The following SHB variants were observed in gnomAD, a reference collection of about 807,000 sequenced individuals.
SHB encodes SH2 domain-containing adapter protein B.
A neutral mutation model predicts 52.3 loss-of-function variants in SHB; 20 were observed. The observed-to-expected ratio is 0.38, with a 90% CI of 0.27 to 0.56. The LOEUF is 0.56. Ranked by LOEUF, SHB falls within the 20% of genes least tolerant of loss-of-function variation. The pLI is 0.71. For missense variants in SHB, 825 were observed against 723.3 expected, an observed-to-expected ratio of 1.14 and a Z score of -1.61; for synonymous variants, 397 against 316.5, an observed-to-expected ratio of 1.25 and a Z score of -2.70.
At chr9:37,920,292 AAAC>A (rs1219542980) in intron 5 of SHB, among the ~76,000 whole-genome samples, 3 of 137,170 alleles carry the variant, frequency 2.2e-5, no homozygotes, top group Non-Finnish European at 4.6e-5. Context: ...AAACAAAACA[AAAC>A]AAAACAAAAC....
intron 3 of SHB, among the ~76,000 whole-genome samples, chr9:37,965,574 ATCT>A (rs1426684816): frequency 7.9e-6 from 1 of 125,924 alleles, no homozygotes; most frequent in Non-Finnish European, 1.6e-5. Context: ...TTACTCAAAT[ATCT>A]TTTTTTTTTT....
chr9:37,966,207 A>T (rs1820518444), intron 3 of SHB, among the ~76,000 whole-genome samples: 1 of 152,248 alleles, frequency 6.6e-6, no homozygotes, highest in African/African-American at 2.4e-5. Flanking sequence ...CAAGACAGGC[A>T]GGGTCTCTGA....
chr9:38,055,023 A>C (rs888315571), intron 1 of SHB, among the ~76,000 whole-genome samples: 1 of 152,210 alleles, frequency 6.6e-6, no homozygotes, highest in Non-Finnish European at 1.5e-5. Context: ...ATCTTCAAAA[A>C]ATACTGATGC....
At chr9:37,925,585 T>C (rs1271100689) in intron 5 of SHB, among the ~76,000 whole-genome samples, 1 of 152,206 alleles carries the variant, frequency 6.6e-6, no homozygotes, top group Non-Finnish European at 1.5e-5. Flanking sequence ...CAAGTTCCCT[T>C]GCAAAATCAT....
chr9:37,919,540 A>G lies in SHB; in HGVS notation c.*281T>C. ...GCTGGTCTGCCTTTGTTCATCCTGG[A>G]AGGCATCTCTTTGGATTTGCAAATA... On this transcript the variant is annotated 3_prime_UTR_variant, in exon 6 of 6. Transcript: ENST00000377707. 1 of 186,022 alleles carries G rather than the reference A, an allele frequency of 5.4e-6. No individual in the cohort carries two copies. Among genetic ancestry groups the G allele is most frequent in the Non-Finnish European group, 1.1e-5 (1 of 90,850 alleles). The allele number at this position is 186,022 out of a possible 1,614,324, so 11.5% of individuals were successfully genotyped here.
chr9:37,928,028 C>A (rs1300497010), intron 5 of SHB, among the ~76,000 whole-genome samples: 1 of 151,962 alleles, frequency 6.6e-6, no homozygotes, highest in African/African-American at 2.4e-5. Flanking sequence ...TTTTTCTCCA[C>A]TCTTCAGCCC....
intron 5 of SHB, among the ~76,000 whole-genome samples, chr9:37,935,613 G>A (rs1010363062): frequency 9.2e-5 from 14 of 152,194 alleles, no homozygotes; most frequent in Admixed American, 7.2e-4. Flanking sequence ...CCTGGACCAC[G>A]ATTGCATTTA....
At chr9:38,059,530 G>A (rs1238523833) in intron 1 of SHB, among the ~76,000 whole-genome samples, 1 of 152,172 alleles carries the variant, frequency 6.6e-6, no homozygotes, top group African/African-American at 2.4e-5. Context: ...GGAAGTTAGT[G>A]CCGCTGAAAG....
chr9:38,019,199 C>T (rs1821252769), intron 1 of SHB, among the ~76,000 whole-genome samples: 2 of 152,190 alleles, frequency 1.3e-5, no homozygotes, highest in African/African-American at 4.8e-5. Flanking sequence ...TTTGCTCGGC[C>T]TCTTGGGATG....
intron 1 of SHB, among the ~76,000 whole-genome samples, chr9:38,025,378 G>A (rs1473656267): frequency 6.6e-6 from 1 of 152,142 alleles, no homozygotes; most frequent in Non-Finnish European, 1.5e-5. Flanking sequence ...TCCTGCTCTA[G>A]GGGGTACGAG....
chr9:37,937,208 C>T (rs1023012488), intron 5 of SHB, among the ~76,000 whole-genome samples: 1 of 152,184 alleles, frequency 6.6e-6, no homozygotes, highest in Non-Finnish European at 1.5e-5. Context: ...GCCCAGGGCA[C>T]GATAAGAGCT....
chr9:38,035,064 T>C (rs1821467441), intron 1 of SHB, among the ~76,000 whole-genome samples: 1 of 152,008 alleles, frequency 6.6e-6, no homozygotes, highest in Non-Finnish European at 1.5e-5. Context: ...CCCCCACGTC[T>C]CATGGGCATA....
At position 37,979,486 on chromosome 9, in the gene SHB, T is replaced by C. The variant is rs564926153; in HGVS notation, c.839-4649A>G. 3.3e-5 allele frequency among the ~76,000 whole-genome samples: 5 copies of C among 151,960 alleles called. No individual in the cohort carries two copies. The South Asian group carries it at 1.0e-3, about 32-fold the overall frequency. The stretch of plus-strand genomic sequence containing the variant: ...CCATGGCGGGGTCTGCCCATGGGAA[T>C]GTGGAGAAGGTAAGGGCTGGGGAAG... On this transcript the variant is annotated intron_variant, in intron 2 of 5. Coordinates refer to ENST00000377707, the MANE Select transcript of SHB (RefSeq NM_003028.3).
At chr9:38,041,319 G>A (rs1821572752) in intron 1 of SHB, among the ~76,000 whole-genome samples, 1 of 152,208 alleles carries the variant, frequency 6.6e-6, no homozygotes, top group East Asian at 1.9e-4. Flanking sequence ...GGCGGGGGCT[G>A]TGTATGGGGA....
intron 5 of SHB, among the ~76,000 whole-genome samples, chr9:37,944,903 C>G (rs1200061174): frequency 6.7e-6 from 1 of 148,262 alleles, no homozygotes. Flanking sequence ...CTCTGGGCTC[C>G]CAAGACCCCC....
intron 4 of SHB, among the ~76,000 whole-genome samples, chr9:37,954,937 G>A (rs1175630749): frequency 1.3e-5 from 2 of 152,074 alleles, no homozygotes; most frequent in Admixed American, 6.6e-5. Context: ...GTGCTGGGGG[G>A]CAGCAAGAAC....
intron 3 of SHB, among the ~76,000 whole-genome samples, chr9:37,956,735 A>G (rs1227228775): frequency 1.3e-5 from 2 of 152,154 alleles, no homozygotes; most frequent in African/African-American, 2.4e-5. Flanking sequence ...CACCACAAAG[A>G]GCAGAAAGCG....
intron 2 of SHB, among the ~76,000 whole-genome samples, chr9:37,994,994 C>T (rs1288437779): frequency 1.3e-5 from 2 of 152,174 alleles, no homozygotes; most frequent in African/African-American, 4.8e-5. Flanking sequence ...GGAACTGAAA[C>T]GTTCTTCCTG....
At chr9:37,983,107 TAGG>T (rs1452548815) in intron 2 of SHB, among the ~76,000 whole-genome samples, 2 of 152,064 alleles carry the variant, frequency 1.3e-5, no homozygotes, top group Non-Finnish European at 2.9e-5. Flanking sequence ...AAGCTCTTGG[TAGG>T]AGAAGGCAGA....
Sources: allele counts gnomAD v4.1 joint callset (sites outside exome capture counted in the v4.1 genomes callset), GRCh38; gene constraint gnomAD v4.1.1; transcripts MANE v1.5; gene names NCBI Gene and HGNC (gene_info 2026-07-23, HGNC 2026-07-21).